The following TMEM41A variants were observed in gnomAD, a reference collection of about 807,000 sequenced individuals.
TMEM41A encodes transmembrane protein 41A.
Under a neutral mutation model 25.7 loss-of-function variants are expected in TMEM41A, and 20 were observed. That is an observed-to-expected ratio of 0.78 (90% confidence interval 0.55 to 1.13). TMEM41A has a LOEUF of 1.13. Ranked by LOEUF, TMEM41A falls within the 50% of genes most tolerant of loss-of-function variation. The pLI, the probability that TMEM41A is intolerant of heterozygous loss-of-function variation, is 0.00. For missense variants in TMEM41A, 299 were observed against 314.3 expected (o/e 0.95, Z 0.37); for synonymous variants, 133 against 139.6 (o/e 0.95, Z 0.33).
rs1192299612 is a variant in TMEM41A, at chr3:185,491,421, A to T, written c.*116T>A. 3 of 742,200 alleles carry T rather than the reference A, an allele frequency of 4.0e-6. No homozygotes were observed. The highest frequency in any genetic ancestry group is 3.5e-5 in the African/African-American group (2 of 57,422). The allele number at this position is 742,200 out of a possible 1,614,324, so 46.0% of individuals were successfully genotyped here. ...CTGAAAAGACACTGCACATTGATGCACAGTGTCCACATCACCTATAGAAGG... is the reference window on the plus strand; with the variant it reads ...CTGAAAAGACACTGCACATTGATGCTCAGTGTCCACATCACCTATAGAAGG... On this transcript the variant is annotated 3_prime_UTR_variant, in exon 5 of 5. Coordinates refer to ENST00000421852, the MANE Select transcript of TMEM41A (RefSeq NM_080652.4).
intron 3 of TMEM41A, 104 bp from the exon 4 acceptor site, chr3:185,494,865 CCCAAT>C: frequency 7.5e-7 from 1 of 1,338,232 alleles, no homozygotes; most frequent in Non-Finnish European, 1.0e-6. Context: ...ATAATCTGTT[CCCAAT>C]TCTTCCAACA....
In TMEM41A at chr3:185,490,602, G is replaced by A. The variant is rs1718917083; in HGVS notation, c.*935C>T. 6.6e-6 allele frequency: 1 copy of A among 152,250 alleles called. No homozygotes were observed. The highest frequency in any genetic ancestry group is 1.5e-5 in the Non-Finnish European group (1 of 68,046). 9.4% of individuals were successfully genotyped at this position (152,250 alleles called of 1,614,324 possible). ...GTCTGACATACATGGTAATGTCAGTGTGTCTGAACACAAGAGCGTGACAGA... is the reference window on the plus strand; with the variant it reads ...GTCTGACATACATGGTAATGTCAGTATGTCTGAACACAAGAGCGTGACAGA... On this transcript the variant is annotated 3_prime_UTR_variant, in exon 5 of 5. Coordinates refer to ENST00000421852, the MANE Select transcript of TMEM41A (RefSeq NM_080652.4).
At position 185,495,195 on chromosome 3, in the gene TMEM41A, C is replaced by A. The variant is rs1293717535; in HGVS notation, c.394G>T (p.Val132Leu). The change falls in exon 3 of 5, where the codon GTG becomes TTG. Residue 132 changes from valine to leucine, a missense_variant. Physicochemically the swap from Val to Leu is conservative, Grantham distance 32. Coordinates refer to ENST00000421852, the MANE Select transcript of TMEM41A (RefSeq NM_080652.4). Reference protein sequence around the residue: ...LSSIFGKQLVVSYFPDKVALL... With the variant: ...LSSIFGKQLVLSYFPDKVALL... ...GCCACTTTATCAGGAAAGTAGGACA[C>A]CACCAACTGTTTGCCAAAAATACTG... is the stretch of plus-strand genomic sequence containing the variant. 1 of 1,613,800 alleles carries A rather than the reference C, an allele frequency of 6.2e-7. No individual in the cohort carries two copies. The highest frequency in any genetic ancestry group is 1.3e-5 in the African/African-American group (1 of 74,882).
chr3:185,491,893 T>C (rs1718969751), intron 4 of TMEM41A, 136 bp from the exon 5 acceptor site: 2 of 590,004 alleles, frequency 3.4e-6, no homozygotes, highest in Non-Finnish European at 5.9e-6. Context: ...ATTAACTCTT[T>C]CCCTTCTTTC....
Position 185,491,334 on chromosome 3 carries a change from T to C in TMEM41A, c.*203A>G, listed in dbSNP as rs1718943308. On this transcript the variant is annotated 3_prime_UTR_variant, in exon 5 of 5. Coordinates refer to ENST00000421852, the MANE Select transcript of TMEM41A (RefSeq NM_080652.4). ...TCTAGGAGGCATCTGTTGCAGTGTC[T>C]GCTACACCAGGGCTGGTTTGAAAAC... The C allele has an allele frequency of 1.5e-5, 8 of 518,528 alleles. No individual in the cohort carries two copies. In the East Asian group the frequency reaches 2.4e-4, roughly 15 times the overall value. 32.1% of individuals were successfully genotyped at this position (518,528 alleles called of 1,614,324 possible).
At position 185,497,016 on chromosome 3, in the gene TMEM41A, T is replaced by G. The variant is rs1176718623; in HGVS notation, c.120-35A>C. 4.5e-6 allele frequency: 7 copies of G among 1,569,776 alleles called. 1 individual carries two copies. In the South Asian group the frequency reaches 7.0e-5, roughly 16 times the overall value. ...TGGAAAAGCAGATGGAAACATGAGTTCAGATCAGTCCAGTGCCCATGAAAG... is the reference window on the plus strand; with the variant it reads ...TGGAAAAGCAGATGGAAACATGAGTGCAGATCAGTCCAGTGCCCATGAAAG... On this transcript the variant is annotated intron_variant, in intron 1 of 4. Transcript: ENST00000421852.
rs1470461516 is a variant in TMEM41A at position 185,489,901 on chromosome 3, T to G, written c.*1636A>C. 1 of 152,196 alleles carries G rather than the reference T, an allele frequency of 6.6e-6. No homozygotes were observed. Among genetic ancestry groups the G allele is most frequent in the Non-Finnish European group, 1.5e-5 (1 of 68,026 alleles). 9.4% of individuals were successfully genotyped at this position (152,196 alleles called of 1,614,324 possible). A position where few individuals can be genotyped will look rare whatever the true frequency, so the allele number is the denominator to read the frequency against. On this transcript the variant is annotated 3_prime_UTR_variant, in exon 5 of 5. Transcript: ENST00000421852. Reference sequence around the variant, plus strand: ...TGAAATCCTCGGTGTGAAAGGATCATACCATAACCAAAAACCATCACCTGG... The same window carrying G: ...TGAAATCCTCGGTGTGAAAGGATCAGACCATAACCAAAAACCATCACCTGG...
intron 2 of TMEM41A, 162 bp downstream of exon 2, chr3:185,496,666 G>A: frequency 1.2e-6 from 1 of 847,498 alleles, no homozygotes; most frequent in Non-Finnish European, 1.9e-6. Context: ...TCCCACTTCG[G>A]TGCTCAATCC....
intron 1 of TMEM41A, among the ~76,000 whole-genome samples, chr3:185,497,224 C>T (rs977934536): frequency 6.6e-6 from 1 of 152,204 alleles, no homozygotes; most frequent in East Asian, 1.9e-4. Context: ...TTCTGTTTTA[C>T]GTCCTTGGAC....
At chr3:185,495,979 C>A (rs1719090583) in intron 2 of TMEM41A, 1 of 153,322 alleles carries the variant, frequency 6.5e-6, no homozygotes, top group African/African-American at 2.4e-5. Flanking sequence ...CATGAATTTT[C>A]CCTTGGTAAG....
rs1479180534 is a variant in TMEM41A at position 185,495,300 on chromosome 3, C to T, written c.289G>A (p.Ala97Thr). Residue 97 changes from alanine to threonine, a missense_variant, in exon 3 of 5, where the codon GCC (alanine) becomes ACC (threonine). Physicochemically the swap from Ala to Thr is moderately conservative, Grantham distance 58. Transcript: ENST00000421852. ...AGCCCCAGCCATGGCCCAAACAAGG[C>T]ACCAGCTAAAACATTCTGCAAATAA... ...GSSFLNVLAG[A>T]LFGPWLGLLL... 7 of 1,613,602 alleles carry T rather than the reference C, an allele frequency of 4.3e-6. No individual in the cohort carries two copies. The highest frequency in any genetic ancestry group is 4.5e-5 in the East Asian group (2 of 44,894).
chr3:185,496,052 T>G (rs1719092115), intron 2 of TMEM41A: 1 of 153,964 alleles, frequency 6.5e-6, no homozygotes, highest in Non-Finnish European at 1.5e-5. Flanking sequence ...ATCTATGCAG[T>G]ATGTTAATAC....
At chr3:185,498,135 C>A (rs928402820) in intron 1 of TMEM41A, among the ~76,000 whole-genome samples, 1 of 138,334 alleles carries the variant, frequency 7.2e-6, no homozygotes, top group Non-Finnish European at 1.5e-5. Context: ...CGTGGTGGCG[C>A]GCGCCTGTAG....
intron 1 of TMEM41A, 115 bp from the exon 2 acceptor site, chr3:185,497,096 TCTG>T: frequency 1.5e-6 from 2 of 1,306,010 alleles, no homozygotes; most frequent in Non-Finnish European, 2.1e-6. Flanking sequence ...CATCATCTGA[TCTG>T]CTGGGAACAC....
At position 185,491,517 on chromosome 3, in the gene TMEM41A, T is replaced by A. The variant is rs747727526; in HGVS notation, c.*20A>T. The A allele has an allele frequency of 1.9e-6, 3 of 1,600,364 alleles. No homozygotes were observed. The highest frequency in any genetic ancestry group is 2.6e-6 in the Non-Finnish European group (3 of 1,168,978). On this transcript the variant is annotated 3_prime_UTR_variant, in exon 5 of 5. Transcript: ENST00000421852. ...AAATAAGCAACTGAGTCCAGGGATG[T>A]GGCAAACAGAAAATCCAGATCATGT...
rs183963344 is a variant in TMEM41A, at chr3:185,498,534, G to A, written c.119+309C>T. 19 of 279,650 alleles carry A rather than the reference G, an allele frequency of 6.8e-5. No individual in the cohort carries two copies. In the East Asian group the frequency reaches 1.5e-3, roughly 22 times the overall value. 17.3% of individuals were successfully genotyped at this position (279,650 alleles called of 1,614,324 possible). A position where few individuals can be genotyped will look rare whatever the true frequency, so the allele number is the denominator to read the frequency against. ...GACTGGGAAAGCAACGGCGCGGGCAGGCTCAGCGCCGCGTCTCCCTCGGCA... is the reference window on the plus strand; with the variant it reads ...GACTGGGAAAGCAACGGCGCGGGCAAGCTCAGCGCCGCGTCTCCCTCGGCA... On this transcript the variant is annotated intron_variant, in intron 1 of 4. Transcript: ENST00000421852.
At chr3:185,495,115 T>G (rs1238744660) in intron 3 of TMEM41A, 39 bp downstream of exon 3, 1 of 1,609,476 alleles carries the variant, frequency 6.2e-7, no homozygotes, top group Non-Finnish European at 8.5e-7. Flanking sequence ...GTAGCGACTG[T>G]CTGGGGTCCC....
chr3:185,489,665 T>C lies in TMEM41A; in HGVS notation c.*1872A>G, dbSNP rs542717808. 3.9e-5 allele frequency: 6 copies of C among 152,216 alleles called. No homozygotes were observed. The highest frequency in any genetic ancestry group is 1.4e-4 in the African/African-American group (6 of 41,532). The allele number at this position is 152,216 out of a possible 1,614,324, so 9.4% of individuals were successfully genotyped here. On this transcript the variant is annotated 3_prime_UTR_variant, in exon 5 of 5. Coordinates refer to ENST00000421852, the MANE Select transcript of TMEM41A (RefSeq NM_080652.4). The stretch of plus-strand genomic sequence containing the variant: ...GTAAACTCACAACTGATAAGGCACA[T>C]TATTGCAAAACTGTCGGGGTGGAGG...
Position 185,490,165 on chromosome 3 carries a change from A to T in TMEM41A, c.*1372T>A, listed in dbSNP as rs1024075648. ...TTTGGAAGCATTAATCCAGGTCTGT[A>T]ACAATTCTGTACTGCAGCTACAGGA... On this transcript the variant is annotated 3_prime_UTR_variant, in exon 5 of 5. Coordinates refer to ENST00000421852, the MANE Select transcript of TMEM41A (RefSeq NM_080652.4). The T allele has an allele frequency of 6.6e-6, 1 of 152,234 alleles. No individual in the cohort carries two copies. The highest frequency in any genetic ancestry group is 1.5e-5 in the Non-Finnish European group (1 of 68,056). 9.4% of individuals were successfully genotyped at this position (152,234 alleles called of 1,614,324 possible).
Sources: gnomAD v4.1 joint callset for allele counts (sites outside exome capture counted in the v4.1 genomes callset) on GRCh38, gnomAD v4.1.1 for gene constraint, MANE v1.5 for transcripts, NCBI Gene and HGNC (gene_info 2026-07-23, HGNC 2026-07-21) for gene names.